The following PDE4DIP variants were observed in gnomAD, a reference collection of about 807,000 sequenced individuals.
PDE4DIP encodes myomegalin.
In PDE4DIP, 59 loss-of-function variants were observed where a neutral mutation model predicts 221.4. That is an observed-to-expected ratio of 0.27 (90% CI 0.22 to 0.33). The LOEUF (loss-of-function observed/expected upper bound fraction) is 0.33. PDE4DIP is among the 10% of genes least tolerant of loss of function. PDE4DIP has a pLI of 1.00. For missense variants in PDE4DIP, 1,036 were observed against 2,154.2 expected (o/e 0.48, Z 10.28); for synonymous variants, 404 against 815.9 (o/e 0.50, Z 8.60).
At chr1:149,020,814 A>G (rs1487269107) in intron 36 of PDE4DIP, 20 of 554,228 alleles carry the variant, frequency 3.6e-5, no homozygotes, top group Admixed American at 6.1e-5. Flanking sequence ...TGTGTTTTCA[A>G]GCAAAGTTAC....
exon 32 of PDE4DIP, chr1:149,012,595 T>C (rs782773763): frequency 3.2e-6 from 5 of 1,584,980 alleles, no homozygotes; most frequent in Non-Finnish European, 4.3e-6. Flanking sequence ...TCCTAGGCTT[T>C]CATTTTCACT....
rs587686390 is a variant in PDE4DIP, at chr1:149,012,882, G to A, written c.5266+106G>A. ...GTTTAAAAAAACAACACGGGTACAC[G>A]TTACAAATGTAAGAGGGAGGGAAAG... On this transcript the variant is annotated intron_variant, in intron 32 of 43. Coordinates refer to ENST00000369354, the Ensembl canonical transcript of PDE4DIP. 4.0e-5 allele frequency: 24 copies of A among 594,738 alleles called. 1 individual carries two copies. The highest frequency in any genetic ancestry group is 3.0e-4 in the Admixed American group (10 of 33,210). 36.8% of individuals were successfully genotyped at this position (594,738 alleles called of 1,614,324 possible).
chr1:149,000,553 C>CA (rs71976961), intron 23 of PDE4DIP, among the ~76,000 whole-genome samples: 10,740 of 129,418 alleles, frequency 0.083, 741 homozygotes, highest in East Asian at 0.45. Flanking sequence ...GACTCTGTCT[C>CA]AAAAAAAAAA....
At chr1:149,006,048 G>A (rs1179268361) in intron 27 of PDE4DIP, among the ~76,000 whole-genome samples, 9 of 152,230 alleles carry the variant, frequency 5.9e-5, no homozygotes, top group Admixed American at 2.0e-4. Flanking sequence ...CAGGAGAATC[G>A]CTTGAACCTG....
At position 148,975,175 on chromosome 1, in the gene PDE4DIP, G is replaced by GATA. The variant is rs1231067000; in HGVS notation, c.2319+591_2319+593dup. On this transcript the variant is annotated intron_variant, in intron 17 of 43. Transcript: ENST00000369354. Reference sequence around the variant, plus strand: ...AACAAGAGCAAAACTCCGCCTCCAAGATAATAATAATAATAATAATAATTG... The same window carrying GATA: ...AACAAGAGCAAAACTCCGCCTCCAAGATAATAATAATAATAATAATAATAATTG... Among the ~76,000 whole-genome samples the GATA allele has an allele frequency of 9.2e-4, 135 of 146,550 alleles. 4 individuals are homozygous for GATA. Among genetic ancestry groups the GATA allele is most frequent in the South Asian group, 2.4e-3 (11 of 4,534 alleles).
At chr1:149,009,111 GTTTTT>G (rs1166798541) in intron 29 of PDE4DIP, among the ~76,000 whole-genome samples, 1 of 139,010 alleles carries the variant, frequency 7.2e-6, no homozygotes, top group Non-Finnish European at 1.6e-5. Flanking sequence ...GTTTTGTTTT[GTTTTT>G]ATTTCTAATC....
chr1:149,009,902 G>A (rs371242942), intron 30 of PDE4DIP, 111 bp downstream of exon 33: 15,111 of 869,702 alleles, frequency 0.017, 109 homozygotes, highest in Non-Finnish European at 0.023. Flanking sequence ...ATGGCTGTGG[G>A]GCCAAGTGCC....
At chr1:148,922,630 C>A (rs1286872597) in intron 1 of PDE4DIP, among the ~76,000 whole-genome samples, 1 of 148,606 alleles carries the variant, frequency 6.7e-6, no homozygotes, top group Admixed American at 6.7e-5. Context: ...CTCTGTCACC[C>A]GGGCTGGAGT....
chr1:148,990,135 G>T (rs1339628622), intron 21 of PDE4DIP: 5 of 739,274 alleles, frequency 6.8e-6, no homozygotes, highest in Non-Finnish European at 8.3e-6. Flanking sequence ...CTACCTCTTA[G>T]CACTTCCATG....
At chr1:148,992,355 G>T (rs2063306483) in intron 22 of PDE4DIP, 1 of 1,543,660 alleles carries the variant, frequency 6.5e-7, no homozygotes, top group Admixed American at 2.1e-5. Context: ...GTCATCGAAG[G>T]GCTGCTCGGG....
chr1:148,953,986 G>A, intron 5 of PDE4DIP: 4 of 772,466 alleles, frequency 5.2e-6, no homozygotes, highest in Non-Finnish European at 6.7e-6. Flanking sequence ...CTAGGTGGAG[G>A]TTAGAAATAT....
intron 6 of PDE4DIP, among the ~76,000 whole-genome samples, chr1:148,961,058 G>C (rs1286445962): frequency 2.0e-5 from 3 of 152,322 alleles, no homozygotes; most frequent in Non-Finnish European, 4.4e-5. Flanking sequence ...TGTAATGCCA[G>C]TGCTTTGGGA....
chr1:148,983,141 G>A (rs1230013682), intron 21 of PDE4DIP: 1 of 152,000 alleles, frequency 6.6e-6, no homozygotes, highest in African/African-American at 2.4e-5. Flanking sequence ...ACCCTTTCTT[G>A]CACAAAATTT....
At chr1:148,981,438 C>T in intron 21 of PDE4DIP, 41 bp downstream of exon 24, 3 of 1,612,836 alleles carry the variant, frequency 1.9e-6, no homozygotes, top group Non-Finnish European at 1.7e-6. Flanking sequence ...ACAAGCATGC[C>T]TACTGAGCAC....
rs1574873817 is a variant in PDE4DIP at position 148,985,191 on chromosome 1, GC to G, written c.2815+3795del. The G allele has an allele frequency of 3.3e-5, 5 of 152,218 alleles. No homozygotes were observed. The East Asian group carries it at 9.6e-4, about 29-fold the overall frequency. The allele number at this position is 152,218 out of a possible 1,614,324, so 9.4% of individuals were successfully genotyped here. A position where few individuals can be genotyped will look rare whatever the true frequency, so the allele number is the denominator to read the frequency against. ...TTCTCTCAGGGTTAAAGCTCAGTGAGCTTTTCTTTTCTCTTTGGTAGTGTGG... is the reference window on the plus strand; with the variant it reads ...TTCTCTCAGGGTTAAAGCTCAGTGAGTTTTCTTTTCTCTTTGGTAGTGTGG... On this transcript the variant is annotated intron_variant, in intron 21 of 43. Transcript: ENST00000369354.
rs61806589 is a variant in PDE4DIP, at chr1:149,023,928, T to C, written c.6086-517T>C. Among the ~76,000 whole-genome samples the C allele has an allele frequency of 9.3e-4, 137 of 146,894 alleles. 1 individual carries two copies. The East Asian group carries it at 0.024, about 26-fold the overall frequency. ...ATATATATGTACACACACACACACA[T>C]ATATATAGAGAGAGAGAGAGAAAGA... On this transcript the variant is annotated intron_variant, in intron 37 of 43. Transcript: ENST00000369354.
intron 37 of PDE4DIP, among the ~76,000 whole-genome samples, chr1:149,022,926 A>G (rs1327814241): frequency 2.0e-5 from 3 of 152,204 alleles, no homozygotes; most frequent in African/African-American, 7.2e-5. Context: ...TATTGGGAAG[A>G]TGAAAGGGTA....
chr1:148,998,318 T>G, exon 23 of PDE4DIP: 1 of 1,611,914 alleles, frequency 6.2e-7, no homozygotes, highest in South Asian at 1.1e-5. Context: ...GAGGAGGAAC[T>G]GAAGGAGCTA....
chr1:148,954,334 T>C (rs1307040006), intron 5 of PDE4DIP, among the ~76,000 whole-genome samples: 3 of 152,118 alleles, frequency 2.0e-5, no homozygotes, highest in African/African-American at 4.8e-5. Context: ...GTTAGTTCTC[T>C]AGTTAGTTCT....
Sources: gnomAD v4.1 joint callset for allele counts (sites outside exome capture counted in the v4.1 genomes callset) on GRCh38, gnomAD v4.1.1 for gene constraint, MANE v1.5 for transcripts, NCBI Gene and HGNC (gene_info 2026-07-23, HGNC 2026-07-21) for gene names.